LSM11: variants seen among roughly 807,000 people sequenced by gnomAD.
The protein encoded by LSM11 is LSM11, U7 small nuclear RNA associated, also known as U7 snRNA-associated Sm-like protein LSm11.
Under a neutral mutation model 28.1 loss-of-function variants are expected in LSM11, and 14 were observed. That is an observed-to-expected ratio of 0.50 (90% CI 0.33 to 0.78). The LOEUF (loss-of-function observed/expected upper bound fraction) is 0.78, where lower values mean the gene tolerates loss of function less well. Among genes scored for constraint, LSM11 ranks in the 30% least tolerant of loss-of-function variants. The pLI is 0.02. For synonymous variants in LSM11, 207 were observed against 214.2 expected (o/e 0.97, Z 0.30); for missense variants, 495 against 510.6 (o/e 0.97, Z 0.30).
At position 157,751,549 on chromosome 5, in the gene LSM11, G is replaced by T; in HGVS notation, c.588+20G>T. ...AATATGGTAATTAAGCCTTTCTCAA[G>T]GGGCTGGAGAACCTCCTACAGATTA... On this transcript the variant is annotated intron_variant, in intron 2 of 3. Transcript: ENST00000286307. 1 of 1,608,118 alleles carries T rather than the reference G, an allele frequency of 6.2e-7. No homozygotes were observed. Among genetic ancestry groups the T allele is most frequent in the South Asian group, 1.1e-5 (1 of 89,882 alleles).
At chr5:157,749,747 C>T (rs1013734180) in intron 1 of LSM11, among the ~76,000 whole-genome samples, 1 of 152,176 alleles carries the variant, frequency 6.6e-6, no homozygotes, top group Non-Finnish European at 1.5e-5. Context: ...CTTCCAACTC[C>T]GAGTTATTCT....
intron 1 of LSM11, among the ~76,000 whole-genome samples, chr5:157,751,078 G>A (rs1371326136): frequency 1.3e-5 from 2 of 152,092 alleles, no homozygotes; most frequent in East Asian, 1.9e-4. Flanking sequence ...CACCACGCCC[G>A]GCCAACCCCA....
At chr5:157,747,738 A>G (rs1182538463) in intron 1 of LSM11, 3 of 152,758 alleles carry the variant, frequency 2.0e-5, no homozygotes, top group African/African-American at 7.2e-5. Flanking sequence ...AAATAGGCAA[A>G]ATCAAGAACA....
chr5:157,758,483 A>G lies in LSM11; in HGVS notation c.*3219A>G, dbSNP rs930504476. 5.3e-5 allele frequency: 8 copies of G among 152,248 alleles called. No homozygotes were observed. Among genetic ancestry groups the G allele is most frequent in the African/African-American group, 1.9e-4 (8 of 41,470 alleles). 9.4% of individuals were successfully genotyped at this position (152,248 alleles called of 1,614,324 possible). A position where few individuals can be genotyped will look rare whatever the true frequency, so the allele number is the denominator to read the frequency against. On this transcript the variant is annotated 3_prime_UTR_variant, in exon 4 of 4. Coordinates refer to ENST00000286307, the MANE Select transcript of LSM11 (RefSeq NM_173491.4). ...CAATAATATATGTGCTATTCAAAAA[A>G]TGTGATCATTTAGGACATTATCACA... is the stretch of plus-strand genomic sequence containing the variant.
At position 157,751,436 on chromosome 5, in the gene LSM11, G is replaced by C. The variant is rs1761229693; in HGVS notation, c.495G>C (p.Glu165Asp). 6.2e-7 allele frequency: 1 copy of C among 1,611,960 alleles called. No individual in the cohort carries two copies. Among genetic ancestry groups the C allele is most frequent in the Non-Finnish European group, 8.5e-7 (1 of 1,179,210 alleles). The change falls in exon 2 of 4, where the codon GAG becomes GAC. Residue 165 changes from glutamate to aspartate, a missense_variant. By Grantham distance (45) the Glu-to-Asp change is conservative (BLOSUM62 2). Transcript: ENST00000286307. ...PLGELHRCIR[E>D]GVKVNVHIRT... is the part of the protein sequence containing the mutation. ...GTGAACTCCATCGCTGTATCCGTGA[G>C]GGGGTGAAGGTGAATGTTCACATCC...
At chr5:157,748,391 A>G (rs1761177226) in intron 1 of LSM11, among the ~76,000 whole-genome samples, 1 of 152,184 alleles carries the variant, frequency 6.6e-6, no homozygotes, top group Non-Finnish European at 1.5e-5. Context: ...CCAGTCCACC[A>G]TGTTGACTTC....
rs1445263137 is a variant in LSM11 at position 157,759,907 on chromosome 5, GT to G, written c.*4648del. 1.3e-5 allele frequency: 2 copies of G among 152,134 alleles called. No homozygotes were observed. The allele number at this position is 152,134 out of a possible 1,614,324, so 9.4% of individuals were successfully genotyped here. ...CTCCTTTACTCTCAGTATTTTGAGT[GT>G]TTTTCAAATGTTTGTACGTTATCTT... On this transcript the variant is annotated 3_prime_UTR_variant, in exon 4 of 4. Coordinates refer to ENST00000286307, the MANE Select transcript of LSM11 (RefSeq NM_173491.4).
At chr5:157,749,586 GCGCACA>G (rs924944152) in intron 1 of LSM11, among the ~76,000 whole-genome samples, 27 of 149,702 alleles carry the variant, frequency 1.8e-4, no homozygotes, top group Middle Eastern at 3.5e-3. Context: ...GCGCGCACGC[GCGCACA>G]CACACACACA....
chr5:157,754,713 AGAT>A, intron 3 of LSM11, 138 bp from the exon 4 acceptor site: 1 of 559,260 alleles, frequency 1.8e-6, no homozygotes, highest in Non-Finnish European at 2.9e-6. Flanking sequence ...AAAAAAAAAA[AGAT>A]TTATTACTAA....
At chr5:157,747,435 G>T in intron 1 of LSM11, 2 of 204,516 alleles carry the variant, frequency 9.8e-6, no homozygotes, top group Non-Finnish European at 1.1e-5. Flanking sequence ...TTGGCTCCTA[G>T]ACCATTGTCT....
chr5:157,746,577 C>T (rs1761151310), intron 1 of LSM11, among the ~76,000 whole-genome samples: 1 of 152,046 alleles, frequency 6.6e-6, no homozygotes, highest in Non-Finnish European at 1.5e-5. Context: ...CTTTGAATTC[C>T]CTTGTGGAGC....
At chr5:157,749,754 T>G (rs1324943512) in intron 1 of LSM11, among the ~76,000 whole-genome samples, 1 of 152,246 alleles carries the variant, frequency 6.6e-6, no homozygotes, top group East Asian at 1.9e-4. Flanking sequence ...CTCCGAGTTA[T>G]TCTCACACCG....
chr5:157,751,294 G>T, intron 1 of LSM11, 96 bp from the exon 2 acceptor site: 2 of 1,365,520 alleles, frequency 1.5e-6, no homozygotes, highest in Non-Finnish European at 2.0e-6. Flanking sequence ...TCTACCATGG[G>T]CCACATGTTG....
At chr5:157,747,686 T>A (rs1472293835) in intron 1 of LSM11, 2 of 154,182 alleles carry the variant, frequency 1.3e-5, no homozygotes, top group African/African-American at 4.8e-5. Context: ...GTGATATTCT[T>A]TGGATAACTT....
In LSM11 at chr5:157,755,460, A is replaced by C. The variant is rs538580785; in HGVS notation, c.*196A>C. The C allele has an allele frequency of 1.7e-6, 1 of 605,834 alleles. No homozygotes were observed. The highest frequency in any genetic ancestry group is 1.8e-5 in the African/African-American group (1 of 54,188). The allele number at this position is 605,834 out of a possible 1,614,324, so 37.5% of individuals were successfully genotyped here. On this transcript the variant is annotated 3_prime_UTR_variant, in exon 4 of 4. Transcript: ENST00000286307. ...CCTTGGGAGGGCAGGCGTTTGCATT[A>C]ATATCAAGGCAAAAAGCATTCATAG...
In LSM11 at chr5:157,758,563, A is replaced by G. The variant is rs745418347; in HGVS notation, c.*3299A>G. 10 of 152,232 alleles carry G rather than the reference A, an allele frequency of 6.6e-5. No homozygotes were observed. The highest frequency in any genetic ancestry group is 1.3e-4 in the Non-Finnish European group (9 of 68,042). The allele number at this position is 152,232 out of a possible 1,614,324, so 9.4% of individuals were successfully genotyped here. A position where few individuals can be genotyped will look rare whatever the true frequency, so the allele number is the denominator to read the frequency against. ...TCAGGAGAAGGAAAGAAAATGAGGA[A>G]CATAATGATAGAGTCGGGGAACTCC... On this transcript the variant is annotated 3_prime_UTR_variant, in exon 4 of 4. Transcript: ENST00000286307.
intron 1 of LSM11, among the ~76,000 whole-genome samples, chr5:157,749,309 A>C (rs944935279): frequency 6.6e-6 from 1 of 152,236 alleles, no homozygotes; most frequent in Non-Finnish European, 1.5e-5. Flanking sequence ...ATAAACATAC[A>C]TCATAGGGCA....
intron 1 of LSM11, among the ~76,000 whole-genome samples, chr5:157,749,299 A>G (rs1042744514): frequency 5.9e-5 from 9 of 152,196 alleles, no homozygotes; most frequent in Non-Finnish European, 1.0e-4. Context: ...CACTCTTTGT[A>G]TAAACATACA....
Position 157,744,003 on chromosome 5 carries a change from G to A in LSM11, c.253G>A (p.Gly85Arg), listed in dbSNP as rs1466345016. ...GGCTCGGGGCGCGGCCGCGGGCTCT[G>A]GGGTTCCCGCCGCACCCGGGCCCTC... ...GRARGAAAGSGVPAAPGPSGR... is the reference protein window; with the variant it reads ...GRARGAAAGSRVPAAPGPSGR... The change falls in exon 1 of 4, where the codon GGG becomes AGG. Residue 85 changes from glycine (G) to arginine (R), a missense_variant. Gly to Arg is a moderately radical substitution (Grantham distance 125). Transcript: ENST00000286307. 3 of 1,317,482 alleles carry A rather than the reference G, an allele frequency of 2.3e-6. No individual in the cohort carries two copies. Among genetic ancestry groups the A allele is most frequent in the Non-Finnish European group, 2.9e-6 (3 of 1,034,338 alleles). 81.6% of individuals were successfully genotyped at this position (1,317,482 alleles called of 1,614,324 possible). A position where few individuals can be genotyped will look rare whatever the true frequency, so the allele number is the denominator to read the frequency against.
Sources: gnomAD v4.1 joint callset for allele counts (sites outside exome capture counted in the v4.1 genomes callset) on GRCh38, gnomAD v4.1.1 for gene constraint, MANE v1.5 for transcripts, NCBI Gene and HGNC (gene_info 2026-07-23, HGNC 2026-07-21) for gene names.